Variants in EYA3 observed in about 807,000 individuals in gnomAD.
EYA3 encodes the protein protein phosphatase EYA3.
In EYA3, 39 loss-of-function variants were observed where a neutral mutation model predicts 80.0. That is an observed-to-expected ratio of 0.49 (90% CI 0.38 to 0.64). The LOEUF is 0.64. Among genes scored for constraint, EYA3 ranks in the 30% least tolerant of loss-of-function variants. The pLI is 0.00. For missense variants in EYA3, 523 were observed against 676.1 expected (o/e 0.77, Z 2.51); for synonymous variants, 206 against 232.8 (o/e 0.88, Z 1.05).
rs540685150 is a variant in EYA3 at position 27,983,066 on chromosome 1, CAAAGGT to C, written c.1541-4598_1541-4593del. ...TCTCCTTGTACATGTAAGAATTACTCAAAGGTAGAGGTTAGCAAACTTTTTCTGTAA... is the reference window on the plus strand; with the variant it reads ...TCTCCTTGTACATGTAAGAATTACTCAGAGGTTAGCAAACTTTTTCTGTAA... On this transcript the variant is annotated intron_variant, in intron 16 of 17. Coordinates refer to ENST00000373871, the MANE Select transcript of EYA3 (RefSeq NM_001990.4). Among the ~76,000 whole-genome samples, 310 of 152,196 alleles carry C rather than the reference CAAAGGT, an allele frequency of 2.0e-3. 1 individual carries two copies. Among genetic ancestry groups the C allele is most frequent in the African/African-American group, 7.2e-3 (299 of 41,524 alleles).
At chr1:27,988,783 T>C in intron 15 of EYA3, 127 bp from the exon 16 acceptor site, 1 of 1,001,014 alleles carries the variant, frequency 1.0e-6, no homozygotes, top group East Asian at 2.7e-5. Context: ...TATTATACTG[T>C]TCAGAGCCAA....
intron 2 of EYA3, among the ~76,000 whole-genome samples, chr1:28,053,350 G>A (rs192733161): frequency 2.6e-5 from 4 of 152,148 alleles, no homozygotes; most frequent in Admixed American, 2.6e-4. Context: ...AATCCTATGG[G>A]CATATAATGG....
At chr1:28,062,300 A>G (rs1644658696) in intron 1 of EYA3, among the ~76,000 whole-genome samples, 1 of 152,186 alleles carries the variant, frequency 6.6e-6, no homozygotes, top group African/African-American at 2.4e-5. Flanking sequence ...CTAAGACTTT[A>G]CACTTCTCTA....
intron 1 of EYA3, among the ~76,000 whole-genome samples, chr1:28,062,543 C>G (rs980034799): frequency 6.6e-6 from 1 of 151,866 alleles, no homozygotes; most frequent in African/African-American, 2.4e-5. Context: ...TGTTTTGTCC[C>G]AAGTTCAACA....
intron 2 of EYA3, among the ~76,000 whole-genome samples, chr1:28,051,171 T>G (rs1267522064): frequency 6.6e-6 from 1 of 152,050 alleles, no homozygotes; most frequent in Non-Finnish European, 1.5e-5. Context: ...TCCGTTAGGG[T>G]TAAAAGTGAA....
chr1:28,055,886 C>T lies in EYA3; in HGVS notation c.33+2108G>A, dbSNP rs72658336. 9.2e-3 allele frequency among the ~76,000 whole-genome samples: 1,399 copies of T among 152,174 alleles called. 9 individuals carry two copies. Among genetic ancestry groups the T allele is most frequent in the African/African-American group, 0.017 (698 of 41,532 alleles). ...GGGATTAAAATAACTTCAATAATAA[C>T]GACCATCAGTAACATCTCTAGGATT... On this transcript the variant is annotated intron_variant, in intron 2 of 17. Coordinates refer to ENST00000373871, the MANE Select transcript of EYA3 (RefSeq NM_001990.4).
chr1:28,034,985 T>C (rs1432114876), intron 6 of EYA3, among the ~76,000 whole-genome samples: 1 of 152,188 alleles, frequency 6.6e-6, no homozygotes, highest in African/African-American at 2.4e-5. Flanking sequence ...TTATAGTTCA[T>C]GTCCAAGACA....
intron 2 of EYA3, among the ~76,000 whole-genome samples, chr1:28,052,389 G>A (rs1179326776): frequency 6.6e-6 from 1 of 152,156 alleles, no homozygotes; most frequent in African/African-American, 2.4e-5. Flanking sequence ...ATGGATCACT[G>A]GAACAGAATT....
chr1:27,978,801 T>TA (rs1047149143), intron 16 of EYA3, among the ~76,000 whole-genome samples: 4 of 152,100 alleles, frequency 2.6e-5, no homozygotes, highest in African/African-American at 9.7e-5. Flanking sequence ...CCGTCTCTAC[T>TA]AAAAAACAAA....
At chr1:28,031,162 T>TA (rs2148834651) in intron 6 of EYA3, among the ~76,000 whole-genome samples, 1 of 152,214 alleles carries the variant, frequency 6.6e-6, no homozygotes, top group African/African-American at 2.4e-5. Flanking sequence ...GCCAGAAACA[T>TA]AAAGTAGATG....
intron 1 of EYA3, among the ~76,000 whole-genome samples, chr1:28,064,802 T>C (rs893875276): frequency 2.6e-5 from 4 of 152,064 alleles, no homozygotes; most frequent in African/African-American, 7.3e-5. Flanking sequence ...GTAATTTTTA[T>C]ATTCACTATC....
intron 1 of EYA3, among the ~76,000 whole-genome samples, chr1:28,063,921 G>A (rs1165678025): frequency 6.6e-6 from 1 of 151,858 alleles, no homozygotes; most frequent in Non-Finnish European, 1.5e-5. Context: ...CTTTGGGGGG[G>A]AAGGTAGAAA....
chr1:28,005,039 A>T (rs1463346862), intron 10 of EYA3, among the ~76,000 whole-genome samples: 2 of 152,214 alleles, frequency 1.3e-5, no homozygotes, highest in Non-Finnish European at 2.9e-5. Flanking sequence ...GGATTACAAG[A>T]GAATACTATG....
At chr1:28,070,346 G>A (rs1054320062) in intron 1 of EYA3, among the ~76,000 whole-genome samples, 1 of 152,044 alleles carries the variant, frequency 6.6e-6, no homozygotes, top group Non-Finnish European at 1.5e-5. Context: ...GATCACCTGA[G>A]GTCAGGAAAT....
intron 1 of EYA3, among the ~76,000 whole-genome samples, chr1:28,083,735 T>C (rs1345890350): frequency 6.6e-6 from 1 of 152,154 alleles, no homozygotes; most frequent in African/African-American, 2.4e-5. Context: ...AAGAACATGA[T>C]TTTATGTTAA....
chr1:28,069,276 A>C (rs6667936), intron 1 of EYA3, among the ~76,000 whole-genome samples: 10,847 of 151,576 alleles, frequency 0.072, 685 homozygotes, highest in East Asian at 0.25. Context: ...ACACTCGGCT[A>C]ATTTTTCGTA....
intron 7 of EYA3, among the ~76,000 whole-genome samples, chr1:28,018,826 C>T (rs535612652): frequency 3.9e-5 from 6 of 152,294 alleles, no homozygotes; most frequent in African/African-American, 1.4e-4. Context: ...AATTCTTCAT[C>T]CAGTGCTTCT....
chr1:28,070,049 T>C (rs1269667240), intron 1 of EYA3, among the ~76,000 whole-genome samples: 1 of 152,228 alleles, frequency 6.6e-6, no homozygotes, highest in Admixed American at 6.5e-5. Context: ...TTCAGACTTC[T>C]GGCCTCCAGA....
chr1:28,073,955 C>T (rs1645118267), intron 1 of EYA3, among the ~76,000 whole-genome samples: 2 of 151,894 alleles, frequency 1.3e-5, no homozygotes, highest in Non-Finnish European at 2.9e-5. Flanking sequence ...TTTATGAGTA[C>T]AGAGATCTGA....
Sources: gnomAD v4.1 joint callset for allele counts (sites outside exome capture counted in the v4.1 genomes callset) on GRCh38, gnomAD v4.1.1 for gene constraint, MANE v1.5 for transcripts, NCBI Gene and HGNC (gene_info 2026-07-23, HGNC 2026-07-21) for gene names.